The following RFC1 variants were observed in gnomAD, a reference collection of about 807,000 sequenced individuals.
The protein encoded by RFC1 is A1 140 kDa subunit.
In RFC1, 37 loss-of-function variants were observed where a neutral mutation model predicts 137.4. The observed-to-expected ratio is 0.27, with a 90% CI of 0.21 to 0.35. The LOEUF is 0.35. RFC1 is among the 10% of genes least tolerant of loss of function. The probability of loss-of-function intolerance (pLI) is 1.00; values close to 1 mark genes in which losing one functional copy is unlikely to be tolerated. For synonymous variants in RFC1, 429 were observed against 455.7 expected, an observed-to-expected ratio of 0.94 and a Z score of 0.75; for missense variants, 1,205 against 1,358.5, an observed-to-expected ratio of 0.89 and a Z score of 1.78.
rs774220730 is a variant in RFC1 at position 39,345,476 on chromosome 4, C to T, written c.133G>A (p.Val45Ile). The T allele has an allele frequency of 6.2e-7, 1 of 1,609,054 alleles. No homozygotes were observed. The highest frequency in any genetic ancestry group is 2.2e-5 in the East Asian group (1 of 44,860). The stretch of plus-strand genomic sequence containing the variant: ...TCATCCTCTTTACGGGAGCTATTTA[C>T]CTATAAACATCACAATATAATTAGA... ...KAKKGIKEIK[V>I]NSSRKEDDFK... The change falls in exon 3 of 25, where the codon GTA becomes ATA. Residue 45 changes from valine (V) to isoleucine (I), a missense_variant and splice_region_variant. This residue lies in a region of RFC1 where 962 missense variants were observed against 1,035.3 expected (regional missense o/e 0.93). Coordinates refer to ENST00000349703, the MANE Select transcript of RFC1 (RefSeq NM_002913.5).
At chr4:39,294,295 A>G (rs1490754107) in intron 22 of RFC1, among the ~76,000 whole-genome samples, 1 of 152,212 alleles carries the variant, frequency 6.6e-6, no homozygotes, top group East Asian at 1.9e-4. Context: ...CCAAAACTTA[A>G]AAGTGGAATG....
chr4:39,357,773 T>G (rs970233372), intron 1 of RFC1, among the ~76,000 whole-genome samples: 1 of 151,828 alleles, frequency 6.6e-6, no homozygotes, highest in Non-Finnish European at 1.5e-5. Context: ...CCCATCACCA[T>G]ACCCAGCTAA....
chr4:39,359,580 T>C (rs548168194), intron 1 of RFC1, among the ~76,000 whole-genome samples: 1 of 152,242 alleles, frequency 6.6e-6, no homozygotes, highest in African/African-American at 2.4e-5. Context: ...CCCAGCACTT[T>C]AGGAGGCCGA....
At chr4:39,345,312 C>A in intron 3 of RFC1, 89 bp downstream of exon 3, 1 of 1,124,336 alleles carries the variant, frequency 8.9e-7, no homozygotes. Context: ...TGAGCCACCG[C>A]ACCCATCCTT....
intron 21 of RFC1, chr4:39,297,692 T>C (rs1357729637): frequency 6.6e-6 from 1 of 152,426 alleles, no homozygotes; most frequent in East Asian, 1.9e-4. Flanking sequence ...TTTTAGTATA[T>C]GTGCTGCCGA....
intron 2 of RFC1, among the ~76,000 whole-genome samples, chr4:39,349,912 G>C (rs776128000): frequency 6.6e-6 from 1 of 152,192 alleles, no homozygotes; most frequent in Non-Finnish European, 1.5e-5. Context: ...GCTGAGGCAG[G>C]AGAATTGCTT....
intron 1 of RFC1, among the ~76,000 whole-genome samples, chr4:39,355,098 T>TAC (rs59438877): frequency 0.055 from 4,923 of 88,882 alleles, 373 homozygotes; most frequent in African/African-American, 0.15. Context: ...AAAAAAAAAA[T>TAC]ACACACACAC....
At chr4:39,295,901 A>G (rs1034996875) in intron 21 of RFC1, 142 bp from the exon 22 acceptor site, 12 of 619,920 alleles carry the variant, frequency 1.9e-5, no homozygotes, top group East Asian at 9.0e-5. Context: ...GACCCTTTCT[A>G]TAACTCTGAT....
At position 39,349,225 on chromosome 4, in the gene RFC1, G is replaced by C. The variant is rs543483869; in HGVS notation, c.132+2123C>G. Among the ~76,000 whole-genome samples the C allele has an allele frequency of 1.4e-4, 22 of 152,278 alleles. 2 individuals carry two copies. In the South Asian group the frequency reaches 4.3e-3, roughly 30 times the overall value. ...AATGAATGTATTTTGCATGCAAGAA[G>C]GACATAAATTCTGGGTGGCCATGGA... On this transcript the variant is annotated intron_variant, in intron 2 of 24. Transcript: ENST00000349703.
At chr4:39,340,923 T>C (rs1740577243) in intron 4 of RFC1, among the ~76,000 whole-genome samples, 1 of 152,226 alleles carries the variant, frequency 6.6e-6, no homozygotes, top group Non-Finnish European at 1.5e-5. Context: ...CACATGTATA[T>C]GCTACCAGCA....
At chr4:39,340,829 T>C (rs956253980) in intron 4 of RFC1, among the ~76,000 whole-genome samples, 4 of 152,182 alleles carry the variant, frequency 2.6e-5, no homozygotes, top group Non-Finnish European at 2.9e-5. Flanking sequence ...AAAAATAGAA[T>C]AATGCATAAT....
chr4:39,296,965 T>A (rs764562559), intron 21 of RFC1, among the ~76,000 whole-genome samples: 2 of 151,796 alleles, frequency 1.3e-5, no homozygotes, highest in Non-Finnish European at 2.9e-5. Context: ...TGAGATGGTA[T>A]CTCATTGTGG....
chr4:39,291,933 C>G, intron 22 of RFC1, 81 bp from the exon 23 acceptor site: 1 of 987,474 alleles, frequency 1.0e-6, no homozygotes, highest in Non-Finnish European at 1.6e-6. Context: ...CTGAGTTAAT[C>G]AGGCAGAGTT....
At position 39,323,437 on chromosome 4, in the gene RFC1, A is replaced by G; in HGVS notation, c.643-20T>C. On this transcript the variant is annotated intron_variant, in intron 6 of 24. Coordinates refer to ENST00000349703, the MANE Select transcript of RFC1 (RefSeq NM_002913.5). ...CTCCAGCTGTAAAATGTGTCAGCAA[A>G]GTGAGTTGAGTTGCTCTTTTTCTTT... The G allele has an allele frequency of 6.2e-7, 1 of 1,604,178 alleles. No individual in the cohort carries two copies. Among genetic ancestry groups the G allele is most frequent in the East Asian group, 2.2e-5 (1 of 44,764 alleles).
intron 14 of RFC1, 29 bp downstream of exon 14, chr4:39,306,563 G>T: frequency 7.9e-7 from 1 of 1,268,406 alleles, no homozygotes; most frequent in Non-Finnish European, 1.2e-6. Flanking sequence ...GAGGTTATCT[G>T]TCCGACCACA....
rs773125826 is a variant in RFC1, at chr4:39,325,901, G to A, written c.642+662C>T. On this transcript the variant is annotated intron_variant, in intron 6 of 24. Transcript: ENST00000349703. ...CGAAGCCAAAGTAATTTTCTTTTAA[G>A]ATCCACCAAGTCATGTCACTTTTCT... 3.2e-4 allele frequency among the ~76,000 whole-genome samples: 49 copies of A among 152,104 alleles called. 1 individual carries two copies. The highest frequency in any genetic ancestry group is 6.5e-5 in the Admixed American group (1 of 15,268).
At chr4:39,325,447 A>T (rs544236716) in intron 6 of RFC1, among the ~76,000 whole-genome samples, 1 of 152,170 alleles carries the variant, frequency 6.6e-6, no homozygotes, top group African/African-American at 2.4e-5. Flanking sequence ...CAGTGGCACA[A>T]TCACAGCTCA....
rs777546906 is a variant in RFC1, at chr4:39,304,791, C to T, written c.2110+23G>A. On this transcript the variant is annotated intron_variant, in intron 15 of 24. Coordinates refer to ENST00000349703, the MANE Select transcript of RFC1 (RefSeq NM_002913.5). ...ACATATTTTTCTTATATAACAACAA[C>T]AGGAGGTCAAAAAGCCACATACTTG... 7 of 1,286,348 alleles carry T rather than the reference C, an allele frequency of 5.4e-6. No individual in the cohort carries two copies. In the South Asian group the frequency reaches 5.9e-5, roughly 11 times the overall value. 79.7% of individuals were successfully genotyped at this position (1,286,348 alleles called of 1,614,324 possible). A position where few individuals can be genotyped will look rare whatever the true frequency, so the allele number is the denominator to read the frequency against.
At chr4:39,345,305 G>T in intron 3 of RFC1, 96 bp downstream of exon 3, 1 of 1,020,196 alleles carries the variant, frequency 9.8e-7, no homozygotes, top group Non-Finnish European at 1.4e-6. Context: ...ACAGGCATGA[G>T]CCACCGCACC....
Sources: allele counts gnomAD v4.1 joint callset (sites outside exome capture counted in the v4.1 genomes callset), GRCh38; gene constraint gnomAD v4.1.1; regional missense constraint gnomAD v4.1.1; transcripts MANE v1.5; gene names NCBI Gene and HGNC (gene_info 2026-07-23, HGNC 2026-07-21).